Variants in CACNA1D observed in about 807,000 individuals in gnomAD.
CACNA1D encodes the protein calcium voltage-gated channel subunit alpha1 D.
A neutral mutation model predicts 257.1 loss-of-function variants in CACNA1D; 55 were observed. That is an observed-to-expected ratio of 0.21 (90% confidence interval 0.17 to 0.27). The LOEUF is 0.27. CACNA1D is among the 10% of genes least tolerant of loss of function. The pLI is 1.00. For missense variants in CACNA1D, 1,876 were observed against 2,784.0 expected (o/e 0.67, Z 7.34); for synonymous variants, 980 against 1,014.9 (o/e 0.97, Z 0.65).
intron 19 of CACNA1D, among the ~76,000 whole-genome samples, chr3:53,733,930 T>TGTGTG (rs2095026628): frequency 1.5e-5 from 2 of 134,034 alleles, no homozygotes; most frequent in Admixed American, 7.5e-5. Context: ...GTGTGTGTGT[T>TGTGTG]TGTGTGTGTG....
intron 3 of CACNA1D, among the ~76,000 whole-genome samples, chr3:53,603,359 C>T (rs1283910966): frequency 1.3e-5 from 2 of 152,200 alleles, no homozygotes; most frequent in Non-Finnish European, 2.9e-5. Context: ...CGGATATTAA[C>T]TGCTTTACCT....
rs1442319843 is a variant in CACNA1D, at chr3:53,497,453, G to A, written c.369G>A (p.Val123=). Residue 123 remains valine, a synonymous_variant, in exon 2 of 48, where the codon GTG becomes GTA. Transcript: ENST00000350061. ...NPIRRACISI[V]EWKPFDIFIL... ...TCCGAAGAGCCTGCATTAGTATAGT[G>A]GAATGGAAGTATCCTTTTTTTGGGG... 5.6e-6 allele frequency: 9 copies of A among 1,613,834 alleles called. 1 individual carries two copies. Among genetic ancestry groups the A allele is most frequent in the South Asian group, 1.1e-5 (1 of 91,078 alleles).
chr3:53,617,495 A>G (rs1363333435), intron 3 of CACNA1D, among the ~76,000 whole-genome samples: 3 of 152,190 alleles, frequency 2.0e-5, no homozygotes, highest in Non-Finnish European at 4.4e-5. Context: ...TAGGGGTGTT[A>G]TGACAATTAA....
chr3:53,691,628 G>A (rs913137176), intron 8 of CACNA1D, among the ~76,000 whole-genome samples: 3 of 142,260 alleles, frequency 2.1e-5, no homozygotes, highest in South Asian at 2.1e-4. Context: ...ATACTCAGAT[G>A]CCTGAAATAC....
intron 3 of CACNA1D, among the ~76,000 whole-genome samples, chr3:53,620,768 A>T (rs1391933090): frequency 6.6e-6 from 1 of 152,256 alleles, no homozygotes; most frequent in East Asian, 1.9e-4. Flanking sequence ...ACATAAGCAG[A>T]TATACCTGGA....
At chr3:53,555,817 T>C (rs1211755788) in intron 3 of CACNA1D, among the ~76,000 whole-genome samples, 1 of 152,150 alleles carries the variant, frequency 6.6e-6, no homozygotes, top group Non-Finnish European at 1.5e-5. Context: ...CTGCTCAGAT[T>C]ATTTATTAAT....
intron 3 of CACNA1D, among the ~76,000 whole-genome samples, chr3:53,541,977 G>C (rs2092308818): frequency 6.6e-6 from 1 of 152,204 alleles, no homozygotes; most frequent in Non-Finnish European, 1.5e-5. Flanking sequence ...TAAGATCAGT[G>C]ATTGTTTCAG....
intron 8 of CACNA1D, among the ~76,000 whole-genome samples, chr3:53,685,988 C>T (rs920852403): frequency 6.6e-6 from 1 of 151,940 alleles, no homozygotes; most frequent in Non-Finnish European, 1.5e-5. Context: ...TGATAAATCT[C>T]TAACAAAACT....
intron 8 of CACNA1D, among the ~76,000 whole-genome samples, chr3:53,677,685 A>G (rs980196903): frequency 6.6e-6 from 1 of 152,244 alleles, no homozygotes; most frequent in Admixed American, 6.5e-5. Context: ...GCACTGTGTC[A>G]GCTGCAAAGT....
intron 3 of CACNA1D, among the ~76,000 whole-genome samples, chr3:53,627,440 A>G (rs914264750): frequency 6.6e-6 from 1 of 152,120 alleles, no homozygotes; most frequent in Non-Finnish European, 1.5e-5. Flanking sequence ...CTGGGGTCTG[A>G]GGTGCTAGTT....
chr3:53,667,725 A>G (rs1222630937), intron 7 of CACNA1D, among the ~76,000 whole-genome samples: 3 of 152,132 alleles, frequency 2.0e-5, no homozygotes, highest in African/African-American at 7.2e-5. Flanking sequence ...TTAATCCCCA[A>G]AGTCAGTCTA....
intron 4 of CACNA1D, among the ~76,000 whole-genome samples, chr3:53,657,446 C>A (rs1226397676): frequency 6.6e-6 from 1 of 152,120 alleles, no homozygotes; most frequent in East Asian, 1.9e-4. Context: ...AATGTTGAAA[C>A]CTTCCCTATC....
rs1248029154 is a variant in CACNA1D, at chr3:53,800,980, A to G, written c.5041-78A>G. 1.4e-6 allele frequency: 2 copies of G among 1,456,728 alleles called. No individual in the cohort carries two copies. The highest frequency in any genetic ancestry group is 2.3e-5 in the South Asian group (2 of 87,510). 90.2% of individuals were successfully genotyped at this position (1,456,728 alleles called of 1,614,324 possible). On this transcript the variant is annotated intron_variant, in intron 41 of 47. Transcript: ENST00000350061. The surrounding 1 kb of genome is among the most constrained non-coding windows in gnomAD (Gnocchi z 4.3). ...CTTGCCTAGAATTTGTTTTTCATGT[A>G]GAAAAAGTTACCTAACATAGCTAGT...
intron 3 of CACNA1D, among the ~76,000 whole-genome samples, chr3:53,515,388 C>G (rs535466778): frequency 3.3e-5 from 5 of 152,148 alleles, no homozygotes; most frequent in Non-Finnish European, 7.4e-5. Flanking sequence ...GATTTGGAGT[C>G]GTGAAAACAA....
Position 53,740,352 on chromosome 3 carries a change from C to T in CACNA1D, c.2811+13C>T. The stretch of plus-strand genomic sequence containing the variant: ...GATCCTGTTGAAGGTAATGAATTTT[C>T]CTTGATCTTCACATACTCCACAGCA... On this transcript the variant is annotated intron_variant, in intron 21 of 47. Transcript: ENST00000350061. The T allele has an allele frequency of 6.3e-7, 1 of 1,581,000 alleles. No homozygotes were observed. Among genetic ancestry groups the T allele is most frequent in the East Asian group, 2.2e-5 (1 of 44,732 alleles).
At chr3:53,755,911 G>A (rs1456719424) in intron 29 of CACNA1D, among the ~76,000 whole-genome samples, 5 of 152,108 alleles carry the variant, frequency 3.3e-5, no homozygotes, top group Admixed American at 2.0e-4. Flanking sequence ...TGGGGTAGTC[G>A]GGCTGAAGAA....
At chr3:53,699,783 G>A (rs2094603839) in intron 8 of CACNA1D, among the ~76,000 whole-genome samples, 1 of 152,190 alleles carries the variant, frequency 6.6e-6, no homozygotes. Context: ...TTTTGTGATA[G>A]TGACCATCAT....
Position 53,673,577 on chromosome 3 carries a change from A to G in CACNA1D, c.1220+451A>G, listed in dbSNP as rs907679674. 6 of 643,724 alleles carry G rather than the reference A, an allele frequency of 9.3e-6. No homozygotes were observed. Among genetic ancestry groups the G allele is most frequent in the African/African-American group, 4.1e-5 (2 of 49,140 alleles). 39.9% of individuals were successfully genotyped at this position (643,724 alleles called of 1,614,324 possible). On this transcript the variant is annotated intron_variant, in intron 8 of 47. Transcript: ENST00000350061. The surrounding 1 kb of genome is among the most constrained non-coding windows in gnomAD (Gnocchi z 4.1). ...CTTATTTGCAGAAAAAAAAAAAAAA[A>G]GGGAAGGACCTAGGCCCAGTCCCTG... is the stretch of plus-strand genomic sequence containing the variant.
intron 8 of CACNA1D, among the ~76,000 whole-genome samples, chr3:53,683,576 A>G (rs1275316355): frequency 6.6e-6 from 1 of 152,256 alleles, no homozygotes; most frequent in African/African-American, 2.4e-5. Flanking sequence ...ATTCACGATC[A>G]AGGAGGGAAA....
Sources: gnomAD v4.1 joint callset for allele counts (sites outside exome capture counted in the v4.1 genomes callset) on GRCh38, gnomAD v4.1.1 for gene constraint, Gnocchi (gnomAD v3.1) non-coding constraint, MANE v1.5 for transcripts, NCBI Gene and HGNC (gene_info 2026-07-23, HGNC 2026-07-21) for gene names.